The following STIM1 variants were observed in gnomAD, a reference collection of about 807,000 sequenced individuals.
STIM1 encodes stromal interaction molecule 1.
STIM1 carries 25 observed loss-of-function variants against 74.7 expected under a neutral mutation model. The ratio of observed to expected loss-of-function variants is 0.33; its 90% CI spans 0.24 to 0.47. STIM1 has a LOEUF of 0.47. Ranked by LOEUF, STIM1 falls within the 20% of genes least tolerant of loss-of-function variation. The pLI is 1.00. For synonymous variants in STIM1, 328 were observed against 348.8 expected, an observed-to-expected ratio of 0.94 and a Z score of 0.66; for missense variants, 728 against 920.8, an observed-to-expected ratio of 0.79 and a Z score of 2.71.
chr11:3,971,952 A>G (rs575123975), intron 2 of STIM1, among the ~76,000 whole-genome samples: 103 of 152,316 alleles, frequency 6.8e-4, no homozygotes, highest in African/African-American at 2.3e-3. Flanking sequence ...ACCTGTCATA[A>G]ATCATAAACA....
At position 4,066,307 on chromosome 11, in the gene STIM1, C is replaced by T. The variant is rs552634061; in HGVS notation, c.614-3719C>T. On this transcript the variant is annotated intron_variant, in intron 5 of 12. Coordinates refer to ENST00000526596, the MANE Select transcript of STIM1 (RefSeq NM_001382567.1). ...GAGCTGAGTTTGTGTAGGGGTTGTG[C>T]GATGCAGCTGGCCATGCTCTTTTTG... 1.2e-4 allele frequency among the ~76,000 whole-genome samples: 18 copies of T among 152,242 alleles called. No individual in the cohort carries two copies. The South Asian group carries it at 1.9e-3, about 16-fold the overall frequency.
intron 1 of STIM1, among the ~76,000 whole-genome samples, chr11:3,953,476 C>T (rs940441980): frequency 2.0e-5 from 3 of 152,170 alleles, no homozygotes; most frequent in Non-Finnish European, 4.4e-5. Flanking sequence ...CCAGGGAGCC[C>T]GGTTGCATAG....
At chr11:4,043,631 G>A (rs969874316) in intron 3 of STIM1, among the ~76,000 whole-genome samples, 2 of 152,106 alleles carry the variant, frequency 1.3e-5, no homozygotes, top group African/African-American at 4.8e-5. Flanking sequence ...TCTATCTAAT[G>A]TTAGTAAATG....
At chr11:4,077,085 G>T (rs1171200744) in intron 7 of STIM1, among the ~76,000 whole-genome samples, 2 of 151,658 alleles carry the variant, frequency 1.3e-5, no homozygotes, top group Non-Finnish European at 2.9e-5. Context: ...TATGAGAAAA[G>T]ATATATGTTA....
intron 2 of STIM1, among the ~76,000 whole-genome samples, chr11:4,000,036 G>A (rs1353410345): frequency 6.6e-6 from 1 of 152,022 alleles, no homozygotes; most frequent in African/African-American, 2.4e-5. Flanking sequence ...TGGGGGAGGG[G>A]CGCCCGCCAT....
At chr11:3,913,652 A>G (rs1159626333) in intron 1 of STIM1, among the ~76,000 whole-genome samples, 1 of 152,210 alleles carries the variant, frequency 6.6e-6, no homozygotes, top group Admixed American at 6.5e-5. Context: ...GGTGAAATTC[A>G]TAGAACATTA....
At chr11:3,941,630 T>TAG (rs57282761) in intron 1 of STIM1, among the ~76,000 whole-genome samples, 36 of 143,070 alleles carry the variant, frequency 2.5e-4, no homozygotes, top group African/African-American at 8.7e-4. Flanking sequence ...TATATATATA[T>TAG]AGAGAGATAG....
intron 2 of STIM1, among the ~76,000 whole-genome samples, chr11:4,002,182 A>T (rs1302782356): frequency 1.3e-5 from 2 of 148,840 alleles, no homozygotes; most frequent in African/African-American, 2.5e-5. Context: ...GATCAACGAG[A>T]CAGAAAGTTA....
chr11:4,080,811 CCTGA>C (rs984268680), intron 7 of STIM1, among the ~76,000 whole-genome samples: 7 of 152,156 alleles, frequency 4.6e-5, no homozygotes, highest in Non-Finnish European at 7.4e-5. Flanking sequence ...TGTATGCCTC[CCTGA>C]CTATCATGCT....
intron 5 of STIM1, among the ~76,000 whole-genome samples, chr11:4,064,244 GCT>G (rs2094350896): frequency 6.6e-6 from 1 of 152,178 alleles, no homozygotes; most frequent in Non-Finnish European, 1.5e-5. Context: ...ATACTAAGGA[GCT>G]CTTTGCCAGG....
intron 1 of STIM1, among the ~76,000 whole-genome samples, chr11:3,880,763 A>G (rs576621648): frequency 1.4e-4 from 21 of 152,164 alleles, no homozygotes; most frequent in Admixed American, 4.6e-4. Flanking sequence ...ACCACTCCAA[A>G]TTGCTGCTTC....
intron 7 of STIM1, among the ~76,000 whole-genome samples, chr11:4,080,332 A>G (rs966037873): frequency 1.3e-5 from 2 of 151,460 alleles, no homozygotes; most frequent in African/African-American, 4.9e-5. Flanking sequence ...AAGGACAAGA[A>G]CTCTGACTTG....
In STIM1 at chr11:4,091,470, C is replaced by T. The variant is rs767552538; in HGVS notation, c.1823C>T (p.Ala608Val). 2 of 1,614,188 alleles carry T rather than the reference C, an allele frequency of 1.2e-6. No homozygotes were observed. The highest frequency in any genetic ancestry group is 3.3e-5 in the Admixed American group (2 of 60,026). The change falls in exon 13 of 13, where the codon GCC becomes GTC. Residue 608 changes from alanine to valine, a missense_variant. By Grantham distance (64) the Ala-to-Val change is moderately conservative. Around this residue, in one of 5 missense-constraint regions of STIM1, gnomAD observed 352 missense variants for 370.1 expected, o/e 0.95. Coordinates refer to ENST00000526596, the MANE Select transcript of STIM1 (RefSeq NM_001382567.1). Reference protein sequence around the residue: ...SLVEKLPDSPALAKKALLALN... With the variant: ...SLVEKLPDSPVLAKKALLALN... ...GTGGAGAAACTGCCTGACAGCCCTGCCCTGGCCAAGAAGGCATTACTGGCG... is the reference window on the plus strand; with the variant it reads ...GTGGAGAAACTGCCTGACAGCCCTGTCCTGGCCAAGAAGGCATTACTGGCG...
chr11:3,907,607 C>T (rs1382896431), intron 1 of STIM1, among the ~76,000 whole-genome samples: 1 of 152,200 alleles, frequency 6.6e-6, no homozygotes, highest in African/African-American at 2.4e-5. Context: ...TTATTCTAAA[C>T]AGGAAGCCGG....
At chr11:3,959,755 G>A (rs974847977) in intron 1 of STIM1, among the ~76,000 whole-genome samples, 1 of 152,042 alleles carries the variant, frequency 6.6e-6, no homozygotes, top group South Asian at 2.1e-4. Flanking sequence ...AGACCATGGC[G>A]GGTGGCAGCA....
At chr11:3,887,797 C>T (rs1481201915) in intron 1 of STIM1, among the ~76,000 whole-genome samples, 3 of 151,684 alleles carry the variant, frequency 2.0e-5, no homozygotes, top group Non-Finnish European at 2.9e-5. Context: ...TGAAACCCTG[C>T]CTCTACTAAA....
chr11:4,091,026 C>G (rs1048177694), intron 12 of STIM1, among the ~76,000 whole-genome samples: 2 of 151,914 alleles, frequency 1.3e-5, no homozygotes, highest in Admixed American at 1.3e-4. Context: ...TTTCCTGTCT[C>G]TTTTCCAATC....
chr11:3,967,351 G>A (rs765277490), intron 1 of STIM1, among the ~76,000 whole-genome samples: 2 of 152,172 alleles, frequency 1.3e-5, no homozygotes, highest in African/African-American at 4.8e-5. Context: ...GGGTGATAAA[G>A]CATTGTCCTT....
At chr11:4,046,059 C>CTTTTTT (rs35783768) in intron 3 of STIM1, among the ~76,000 whole-genome samples, 11 of 59,068 alleles carry the variant, frequency 1.9e-4, no homozygotes, top group Non-Finnish European at 3.0e-4. Context: ...CGTGAGCTAC[C>CTTTTTT]TTTTTTTTTT....
Sources: gnomAD v4.1 joint callset for allele counts (sites outside exome capture counted in the v4.1 genomes callset) on GRCh38, gnomAD v4.1.1 for gene constraint, gnomAD v4.1.1 regional missense constraint, MANE v1.5 for transcripts, NCBI Gene and HGNC (gene_info 2026-07-23, HGNC 2026-07-21) for gene names.